Variants in ACVR1B observed in about 807,000 individuals in gnomAD.
ACVR1B encodes activin A receptor type 1B.
ACVR1B carries 15 observed loss-of-function variants against 55.6 expected under a neutral mutation model. The ratio of observed to expected loss-of-function variants is 0.27; its 90% CI spans 0.18 to 0.42. ACVR1B has a LOEUF of 0.42. Ranked by LOEUF, ACVR1B falls within the 10% of genes least tolerant of loss-of-function variation. The pLI, the probability that ACVR1B is intolerant of heterozygous loss-of-function variation, is 1.00. For missense variants in ACVR1B, 359 were observed against 670.1 expected (o/e 0.54, Z 5.13); for synonymous variants, 247 against 254.6 (o/e 0.97, Z 0.28).
chr12:51,960,032 TCA>T (rs1332385700), intron 1 of ACVR1B: 2 of 152,130 alleles, frequency 1.3e-5, no homozygotes, highest in Non-Finnish European at 2.9e-5. Context: ...TTGTAATCAG[TCA>T]GTGTTCATTT....
At chr12:51,974,228 G>C (rs531386560) in intron 1 of ACVR1B, among the ~76,000 whole-genome samples, 7 of 152,282 alleles carry the variant, frequency 4.6e-5, no homozygotes, top group African/African-American at 1.7e-4. Flanking sequence ...CAGTGTTCTA[G>C]TGGGCAAAGC....
At position 51,995,458 on chromosome 12, in the gene ACVR1B, T is replaced by C. The variant is rs1413225363; in HGVS notation, c.*1348T>C. The C allele has an allele frequency of 6.6e-6, 1 of 152,604 alleles. No individual in the cohort carries two copies. Among genetic ancestry groups the C allele is most frequent in the Non-Finnish European group, 1.5e-5 (1 of 68,038 alleles). The allele number at this position is 152,604 out of a possible 1,614,324, so 9.5% of individuals were successfully genotyped here. ...CATGTTATTTAACCTGAGTATAGTA[T>C]TTAACGAAGCCTAGAAGCACGGCTG... On this transcript the variant is annotated 3_prime_UTR_variant, in exon 9 of 9. Transcript: ENST00000257963.
chr12:51,964,332 G>T (rs923782667), intron 1 of ACVR1B, among the ~76,000 whole-genome samples: 1 of 152,120 alleles, frequency 6.6e-6, no homozygotes, highest in Non-Finnish European at 1.5e-5. Flanking sequence ...TTGGGTTGTT[G>T]TTGAGTTTGA....
chr12:51,978,691 C>T (rs1052281459), intron 3 of ACVR1B, among the ~76,000 whole-genome samples: 7 of 10,888 alleles, frequency 6.4e-4, no homozygotes, highest in Non-Finnish European at 1.4e-3. Context: ...ATTAGCCGGG[C>T]GTGGTGGCGG....
intron 8 of ACVR1B, among the ~76,000 whole-genome samples, 162 bp from the exon 9 acceptor site, chr12:51,993,823 A>AG (rs1161416420): frequency 6.9e-6 from 1 of 145,310 alleles, no homozygotes; most frequent in African/African-American, 2.5e-5. Flanking sequence ...CAGGGAACAA[A>AG]GGGAGCCTTG....
At chr12:51,990,698 G>T (rs1028315680) in intron 7 of ACVR1B, among the ~76,000 whole-genome samples, 2 of 152,116 alleles carry the variant, frequency 1.3e-5, no homozygotes, top group Admixed American at 1.3e-4. Context: ...TCAAATCGGG[G>T]TTCCAATAAG....
chr12:51,994,205 C>A lies in ACVR1B; in HGVS notation c.*95C>A. 3.3e-6 allele frequency: 5 copies of A among 1,537,414 alleles called. No homozygotes were observed. The highest frequency in any genetic ancestry group is 1.2e-5 in the South Asian group (1 of 82,070). ...TGGAGGCCTACCTCTCGTTTCTGCC[C>A]AGCCCTCTGTGGCCAGGAGCCCTGG... On this transcript the variant is annotated 3_prime_UTR_variant, in exon 9 of 9. Coordinates refer to ENST00000257963, the MANE Select transcript of ACVR1B (RefSeq NM_004302.5). This position sits in a 1 kb window ranked among gnomAD's most constrained non-coding sequence, Gnocchi z 4.2.
At chr12:51,988,518 G>A (rs1321094150) in intron 7 of ACVR1B, among the ~76,000 whole-genome samples, 1 of 152,132 alleles carries the variant, frequency 6.6e-6, no homozygotes, top group Non-Finnish European at 1.5e-5. Flanking sequence ...GTCTTAAACT[G>A]TGAATAAGTT....
In ACVR1B at chr12:51,951,713, TGCGGCGGCGGCG is replaced by T. The variant is rs10540557; in HGVS notation, c.-20_-9del. ...GCGCGCGCGCTGGGCGCTGCTGGGC[TGCGGCGGCGGCG>T]GCGGCGGCGGTGGTTACTATGGCGG... On this transcript the variant is annotated 5_prime_UTR_variant, in exon 1 of 9. Transcript: ENST00000257963. The T allele has an allele frequency of 1.1e-5, 12 of 1,116,614 alleles. No homozygotes were observed. Among genetic ancestry groups the T allele is most frequent in the South Asian group, 4.3e-5 (1 of 23,252 alleles). The allele number at this position is 1,116,614 out of a possible 1,614,324, so 69.2% of individuals were successfully genotyped here.
chr12:51,985,133 C>T, intron 5 of ACVR1B, 59 bp from the exon 6 acceptor site: 1 of 1,531,160 alleles, frequency 6.5e-7, no homozygotes, highest in Non-Finnish European at 8.8e-7. Context: ...GCTGCATAGT[C>T]TATGCTTTTA....
intron 1 of ACVR1B, among the ~76,000 whole-genome samples, chr12:51,974,540 C>G (rs747805950): frequency 6.6e-6 from 1 of 152,054 alleles, no homozygotes; most frequent in Non-Finnish European, 1.5e-5. Flanking sequence ...CACACTCATG[C>G]GTGAATGCAT....
intron 1 of ACVR1B, chr12:51,960,262 AT>A (rs1941493301): frequency 6.6e-6 from 1 of 152,198 alleles, no homozygotes; most frequent in Non-Finnish European, 1.5e-5. Context: ...TCTACAAAAC[AT>A]TTTTAAAAAT....
chr12:51,981,261 A>G (rs1404099860), intron 4 of ACVR1B, 62 bp downstream of exon 4: 6 of 1,399,772 alleles, frequency 4.3e-6, no homozygotes, highest in Middle Eastern at 1.8e-4. Context: ...GTGCATAGCT[A>G]TGGGGTGCAC....
At chr12:51,962,630 C>G (rs894090489) in intron 1 of ACVR1B, among the ~76,000 whole-genome samples, 2 of 152,054 alleles carry the variant, frequency 1.3e-5, no homozygotes, top group African/African-American at 2.4e-5. Context: ...TTCCTGCCCC[C>G]CAAGAAAGCC....
intron 1 of ACVR1B, among the ~76,000 whole-genome samples, chr12:51,968,109 G>C (rs1026880460): frequency 6.6e-6 from 1 of 152,322 alleles, no homozygotes; most frequent in East Asian, 1.9e-4. Context: ...GGTAGCAGGT[G>C]CCTGTAATCC....
rs1460726077 is a variant in ACVR1B at position 51,994,255 on chromosome 12, A to G, written c.*145A>G. 8.5e-7 allele frequency: 1 copy of G among 1,169,604 alleles called. No individual in the cohort carries two copies. The highest frequency in any genetic ancestry group is 1.2e-6 in the Non-Finnish European group (1 of 837,328). 72.5% of individuals were successfully genotyped at this position (1,169,604 alleles called of 1,614,324 possible). ...GCCCGCAAGAGGGACAGAGCCCGGG[A>G]GAGACTCGCTCACTCCCATGTTGGG... is the stretch of plus-strand genomic sequence containing the variant. On this transcript the variant is annotated 3_prime_UTR_variant, in exon 9 of 9. Transcript: ENST00000257963. This position sits in a 1 kb window ranked among gnomAD's most constrained non-coding sequence, Gnocchi z 4.2.
intron 3 of ACVR1B, among the ~76,000 whole-genome samples, chr12:51,977,451 C>A (rs2120626549): frequency 6.6e-6 from 1 of 152,222 alleles, no homozygotes; most frequent in Middle Eastern, 3.4e-3. Flanking sequence ...GAATGCGCCA[C>A]CACAGCGACT....
intron 3 of ACVR1B, among the ~76,000 whole-genome samples, chr12:51,978,829 C>CAAAAAAA (rs34088542): frequency 2.1e-5 from 1 of 48,280 alleles, no homozygotes; most frequent in African/African-American, 6.4e-5. Context: ...GACTCCGTCT[C>CAAAAAAA]AAAAAAAAAA....
At chr12:51,952,018 C>T (rs560125563) in intron 1 of ACVR1B, among the ~76,000 whole-genome samples, 184 bp downstream of exon 1, 5 of 151,936 alleles carry the variant, frequency 3.3e-5, no homozygotes, top group African/African-American at 9.6e-5. Flanking sequence ...CGCAGCCGCC[C>T]GGCGGCGACG....
Sources: gnomAD v4.1 joint callset for allele counts (sites outside exome capture counted in the v4.1 genomes callset) on GRCh38, gnomAD v4.1.1 for gene constraint, Gnocchi (gnomAD v3.1) non-coding constraint, MANE v1.5 for transcripts, NCBI Gene and HGNC (gene_info 2026-07-23, HGNC 2026-07-21) for gene names.